Variants in PVT1 observed in about 807,000 individuals in gnomAD.
PVT1 encodes the protein CXCR4/PVT1 fusion.
At chr8:127,968,278 C>T (rs771379722) in intron 3 of PVT1, among the ~76,000 whole-genome samples, 52 of 152,250 alleles carry the variant, frequency 3.4e-4, no homozygotes, top group Non-Finnish European at 6.2e-4. Flanking sequence ...TCACTAACTG[C>T]CTGGCTTCCT....
chr8:127,958,804 A>G (rs1816602458), intron 3 of PVT1, among the ~76,000 whole-genome samples: 1 of 152,140 alleles, frequency 6.6e-6, no homozygotes, highest in African/African-American at 2.4e-5. Context: ...CGGAATAACA[A>G]TAGTAGCACG....
intron 5 of PVT1, among the ~76,000 whole-genome samples, chr8:128,089,762 A>C (rs1252039191): frequency 1.3e-5 from 2 of 152,182 alleles, no homozygotes; most frequent in Non-Finnish European, 2.9e-5. Flanking sequence ...ACATATTTGC[A>C]GACAAACCAG....
chr8:128,099,196 G>T (rs1814468965), intron 6 of PVT1, among the ~76,000 whole-genome samples: 1 of 152,220 alleles, frequency 6.6e-6, no homozygotes, highest in African/African-American at 2.4e-5. Flanking sequence ...CGGGTCACGT[G>T]ATCACACATC....
intron 4 of PVT1, among the ~76,000 whole-genome samples, chr8:128,063,920 T>C (rs1289975136): frequency 6.6e-6 from 1 of 152,194 alleles, no homozygotes; most frequent in African/African-American, 2.4e-5. Context: ...AATTCCATAA[T>C]GTATCCACTG....
chr8:127,866,650 A>T (rs1261096261), intron 2 of PVT1, among the ~76,000 whole-genome samples: 2 of 152,122 alleles, frequency 1.3e-5, no homozygotes, highest in Non-Finnish European at 2.9e-5. Context: ...GGGTTCCAGG[A>T]TGGTGACAGA....
intron 3 of PVT1, among the ~76,000 whole-genome samples, chr8:127,942,353 G>T (rs1728826263): frequency 1.3e-5 from 2 of 152,198 alleles, no homozygotes; most frequent in African/African-American, 4.8e-5. Flanking sequence ...TGACAGGAAA[G>T]AAATCAGGTG....
intron 3 of PVT1, among the ~76,000 whole-genome samples, chr8:127,913,797 C>A (rs1024168082): frequency 2.0e-5 from 3 of 152,136 alleles, no homozygotes; most frequent in African/African-American, 7.2e-5. Flanking sequence ...TCTCTTCTAA[C>A]CTTCCTCGAA....
At chr8:127,876,186 T>C (rs1382371690) in intron 2 of PVT1, among the ~76,000 whole-genome samples, 2 of 152,096 alleles carry the variant, frequency 1.3e-5, no homozygotes, top group Non-Finnish European at 2.9e-5. Context: ...AAGAGACCAG[T>C]ACTGTGACTT....
intron 2 of PVT1, among the ~76,000 whole-genome samples, chr8:127,883,049 G>A (rs1209397374): frequency 1.5e-5 from 2 of 134,254 alleles, no homozygotes; most frequent in African/African-American, 3.1e-5. Flanking sequence ...ACGCACACAT[G>A]CATGCACACA....
chr8:128,067,368 C>T (rs1813923353), intron 4 of PVT1, among the ~76,000 whole-genome samples: 2 of 152,052 alleles, frequency 1.3e-5, no homozygotes, highest in South Asian at 4.1e-4. Context: ...GGGCATTGTC[C>T]AGCCCATTCT....
chr8:127,934,884 G>A (rs940299175), intron 3 of PVT1, among the ~76,000 whole-genome samples: 2 of 152,294 alleles, frequency 1.3e-5, no homozygotes, highest in South Asian at 4.1e-4. Flanking sequence ...GCCAGATGGC[G>A]TTGGGCTAGA....
chr8:127,898,975 A>G lies in PVT1; in HGVS notation n.782+7977A>G, dbSNP rs1815724820. On this transcript the variant is annotated intron_variant and non_coding_transcript_variant, in intron 3 of 10. Coordinates refer to ENST00000651587, the Ensembl canonical transcript of PVT1. The surrounding 1 kb of genome is among the most constrained non-coding windows in gnomAD (Gnocchi z 4.4). ...ACTTATCTGGCTCCAACCGAAGAAC[A>G]GCTGTTGGTGGTCAGGTCTCTGAGT... is the stretch of plus-strand genomic sequence containing the variant. Among the ~76,000 whole-genome samples, 1 of 152,124 alleles carries G rather than the reference A, an allele frequency of 6.6e-6. No homozygotes were observed. The highest frequency in any genetic ancestry group is 2.4e-5 in the African/African-American group (1 of 41,428).
At chr8:127,938,794 C>G (rs1462975295) in intron 3 of PVT1, among the ~76,000 whole-genome samples, 1 of 152,184 alleles carries the variant, frequency 6.6e-6, no homozygotes, top group East Asian at 1.9e-4. Context: ...CCCAGGGTCT[C>G]TGTGTGGCAG....
At chr8:127,874,053 A>G (rs1815379438) in intron 2 of PVT1, among the ~76,000 whole-genome samples, 2 of 152,206 alleles carry the variant, frequency 1.3e-5, no homozygotes, top group African/African-American at 4.8e-5. Context: ...TTTGTGTAAG[A>G]CACTCAAGGG....
At chr8:127,878,193 C>T (rs78515847) in intron 2 of PVT1, among the ~76,000 whole-genome samples, 2 of 151,608 alleles carry the variant, frequency 1.3e-5, no homozygotes, top group African/African-American at 4.9e-5. Context: ...AAAAAAAAAA[C>T]CCCACAAATT....
intron 4 of PVT1, among the ~76,000 whole-genome samples, chr8:128,060,979 G>A (rs1057469547): frequency 4.1e-5 from 6 of 144,894 alleles, no homozygotes; most frequent in African/African-American, 7.8e-5. Flanking sequence ...GCGTGATCTC[G>A]GCTCACTGCA....
chr8:127,797,104 C>T (rs1814405328), intron 2 of PVT1, among the ~76,000 whole-genome samples: 2 of 152,064 alleles, frequency 1.3e-5, no homozygotes, highest in Admixed American at 1.3e-4. Flanking sequence ...TCTTGAACTC[C>T]CAGCCTCAGG....
At chr8:128,060,708 T>C (rs1325933038) in intron 4 of PVT1, among the ~76,000 whole-genome samples, 3 of 152,222 alleles carry the variant, frequency 2.0e-5, no homozygotes, top group African/African-American at 7.2e-5. Context: ...AACTGGTCTG[T>C]CTTCTCTGCC....
intron 2 of PVT1, among the ~76,000 whole-genome samples, chr8:127,837,448 T>G (rs541460689): frequency 6.6e-6 from 1 of 151,470 alleles, no homozygotes; most frequent in Non-Finnish European, 1.5e-5. Context: ...AACCTCATAA[T>G]GGCTTCATGA....
Sources: gnomAD v4.1 joint callset for allele counts (sites outside exome capture counted in the v4.1 genomes callset) on GRCh38, gnomAD v4.1.1 for gene constraint, Gnocchi (gnomAD v3.1) non-coding constraint, MANE v1.5 for transcripts, NCBI Gene and HGNC (gene_info 2026-07-23, HGNC 2026-07-21) for gene names.